DLST: variants seen among roughly 807,000 people sequenced by gnomAD.
DLST encodes the protein dihydrolipoamide S-succinyltransferase.
Under a neutral mutation model 53.1 loss-of-function variants are expected in DLST, and 17 were observed. That is an observed-to-expected ratio of 0.32 (90% CI 0.22 to 0.48). The LOEUF (loss-of-function observed/expected upper bound fraction) is 0.48. Ranked by LOEUF, DLST falls within the 20% of genes least tolerant of loss-of-function variation. The pLI is 0.99. For synonymous variants in DLST, 206 were observed against 204.8 expected (o/e 1.01, Z -0.05); for missense variants, 512 against 583.9 (o/e 0.88, Z 1.27).
At chr14:74,899,320 C>G (rs1480839173) in intron 11 of DLST, among the ~76,000 whole-genome samples, 1 of 152,064 alleles carries the variant, frequency 6.6e-6, no homozygotes, top group Non-Finnish European at 1.5e-5. Context: ...TACATGCTTC[C>G]TCTGGATGTC....
chr14:74,899,879 CCT>C, intron 11 of DLST, 42 bp from the exon 12 acceptor site: 1 of 1,499,954 alleles, frequency 6.7e-7, no homozygotes, highest in Non-Finnish European at 9.2e-7. Flanking sequence ...TTAGTCTTGG[CCT>C]TCCTGGGGAG....
intron 7 of DLST, among the ~76,000 whole-genome samples, chr14:74,892,476 TTATG>T (rs1351464416): frequency 4.6e-5 from 7 of 152,086 alleles, no homozygotes; most frequent in Non-Finnish European, 7.4e-5. Flanking sequence ...AGAAATATGT[TTATG>T]TATGCATTTC....
intron 6 of DLST, 116 bp downstream of exon 6, chr14:74,890,068 G>A: frequency 1.8e-6 from 1 of 553,712 alleles, no homozygotes; most frequent in Non-Finnish European, 2.8e-6. Context: ...TCTAACTTCA[G>A]TTGTAAAATT....
chr14:74,882,205 C>T (rs567613721), intron 1 of DLST, among the ~76,000 whole-genome samples, 189 bp downstream of exon 1: 2 of 152,278 alleles, frequency 1.3e-5, no homozygotes, highest in South Asian at 4.1e-4. Context: ...AGCCCAGCGG[C>T]CCCCTGCCTT....
chr14:74,900,991 G>A (rs888125069), intron 13 of DLST, 75 bp from the exon 14 acceptor site: 30 of 1,531,818 alleles, frequency 2.0e-5, no homozygotes, highest in Admixed American at 1.7e-4. Context: ...CTCCCAAAGC[G>A]CTGGGATTAT....
Position 74,895,627 on chromosome 14 carries a change from C to T in DLST, c.770+1218C>T, listed in dbSNP as rs1040298293. Among the ~76,000 whole-genome samples, 29 of 152,154 alleles carry T rather than the reference C, an allele frequency of 1.9e-4. 1 individual carries two copies. Among genetic ancestry groups the T allele is most frequent in the Non-Finnish European group, 3.1e-4 (21 of 68,002 alleles). On this transcript the variant is annotated intron_variant, in intron 10 of 14. Transcript: ENST00000334220. ...AAATTAGCCAAGTGAGGGCTGGGTG[C>T]GGTGGCTTGCGCTTGTAATCGCAAC...
chr14:74,892,219 A>G (rs1038337857), intron 7 of DLST, among the ~76,000 whole-genome samples: 3 of 152,146 alleles, frequency 2.0e-5, no homozygotes, highest in Non-Finnish European at 4.4e-5. Flanking sequence ...AGTAGCTGGG[A>G]CTATGGGCAC....
chr14:74,900,279 C>G lies in DLST; in HGVS notation c.976-10C>G. The G allele has an allele frequency of 1.2e-6, 2 of 1,613,660 alleles. No homozygotes were observed. The highest frequency in any genetic ancestry group is 1.7e-6 in the Non-Finnish European group (2 of 1,179,708). ...ATTTGCAACTGAAAACAGCTTTTCACCCCCTTCAGGGTCTGGTGGTTCCAG... is the reference window on the plus strand; with the variant it reads ...ATTTGCAACTGAAAACAGCTTTTCAGCCCCTTCAGGGTCTGGTGGTTCCAG... On this transcript the variant is annotated splice_polypyrimidine_tract_variant and intron_variant, in intron 12 of 14. Transcript: ENST00000334220.
chr14:74,891,277 GC>G lies in DLST; in HGVS notation c.442+113del, dbSNP rs1256012616. ...GTCAAAGACTCTTGTCATTCCAGCTGCCCTTAGTTGAGGGAATAAGGGGTAA... is the reference window on the plus strand; with the variant it reads ...GTCAAAGACTCTTGTCATTCCAGCTGCCTTAGTTGAGGGAATAAGGGGTAA... On this transcript the variant is annotated intron_variant, in intron 7 of 14. Transcript: ENST00000334220. 21 of 1,531,390 alleles carry G rather than the reference GC, an allele frequency of 1.4e-5. No homozygotes were observed. In the Admixed American group the frequency reaches 1.8e-4, roughly 13 times the overall value. The allele number at this position is 1,531,390 out of a possible 1,614,324, so 94.9% of individuals were successfully genotyped here. A position where few individuals can be genotyped will look rare whatever the true frequency, so the allele number is the denominator to read the frequency against.
rs1258796894 is a variant in DLST at position 74,891,170 on chromosome 14, A to G, written c.442+3A>G. 1.9e-6 allele frequency: 3 copies of G among 1,613,994 alleles called. No homozygotes were observed. The highest frequency in any genetic ancestry group is 1.1e-5 in the South Asian group (1 of 91,090). On this transcript the variant is annotated splice_donor_region_variant and intron_variant, in intron 7 of 14. Transcript: ENST00000334220. ...TTTCACACTCAGGAAAACTGGTGGT[A>G]AAGAAGTTCTCCTGGTGGTCAAGGT...
intron 2 of DLST, among the ~76,000 whole-genome samples, chr14:74,885,135 T>C (rs1883658435): frequency 6.6e-6 from 1 of 152,204 alleles, no homozygotes; most frequent in Non-Finnish European, 1.5e-5. Context: ...ACCCAATCTT[T>C]TCAAACCCAG....
At chr14:74,883,421 G>A (rs1883600271) in intron 2 of DLST, among the ~76,000 whole-genome samples, 2 of 152,280 alleles carry the variant, frequency 1.3e-5, no homozygotes, top group South Asian at 4.1e-4. Flanking sequence ...GAACTTAAGA[G>A]CTGGAAAAAA....
At chr14:74,890,124 C>CTTTTT (rs34237381) in intron 6 of DLST, among the ~76,000 whole-genome samples, 172 bp downstream of exon 6, 5 of 85,104 alleles carry the variant, frequency 5.9e-5, no homozygotes, top group Non-Finnish European at 6.2e-5. Context: ...TTACATTTAA[C>CTTTTT]TTTTTTTTTT....
intron 10 of DLST, among the ~76,000 whole-genome samples, chr14:74,896,187 A>T (rs941897108): frequency 6.6e-6 from 1 of 152,218 alleles, no homozygotes; most frequent in African/African-American, 2.4e-5. Context: ...TTCAAGAGTG[A>T]CTAGCATTTT....
intron 10 of DLST, among the ~76,000 whole-genome samples, chr14:74,897,934 T>TA (rs889571964): frequency 2.1e-5 from 3 of 144,292 alleles, no homozygotes; most frequent in African/African-American, 8.1e-5. Context: ...TCAGATTTGG[T>TA]GGGGTTTTTT....
chr14:74,889,068 A>G (rs768693345), intron 3 of DLST, 27 bp from the exon 4 acceptor site: 1 of 1,604,568 alleles, frequency 6.2e-7, no homozygotes, highest in Non-Finnish European at 8.5e-7. Flanking sequence ...GCCTGTTAAA[A>G]GGAGTTAACG....
rs150486405 is a variant in DLST, at chr14:74,882,664, C to T, written c.97+40C>T. ...TACCGTCACCTAAAATGCTCTCCTCCTGGGCAGAGCAGTATGTGAGGAACT... is the reference window on the plus strand; with the variant it reads ...TACCGTCACCTAAAATGCTCTCCTCTTGGGCAGAGCAGTATGTGAGGAACT... On this transcript the variant is annotated intron_variant, in intron 2 of 14. Transcript: ENST00000334220. 2.5e-4 allele frequency: 396 copies of T among 1,596,402 alleles called. No individual in the cohort carries two copies. The African/African-American group carries it at 4.5e-3, about 18-fold the overall frequency.
rs138675724 is a variant in DLST at position 74,902,724 on chromosome 14, A to G, written c.*394A>G. On this transcript the variant is annotated 3_prime_UTR_variant, in exon 15 of 15. Coordinates refer to ENST00000334220, the MANE Select transcript of DLST (RefSeq NM_001933.5). ...TATCTTTTGAAAGTTTGTTCTGCAG[A>G]GACTTCTAGGAGGATGCTGTGCCTC... The G allele has an allele frequency of 2.2e-4, 35 of 156,798 alleles. No individual in the cohort carries two copies. In the East Asian group the frequency reaches 6.4e-3, roughly 29 times the overall value. The allele number at this position is 156,798 out of a possible 1,614,324, so 9.7% of individuals were successfully genotyped here. A position where few individuals can be genotyped will look rare whatever the true frequency, so the allele number is the denominator to read the frequency against.
rs371402604 is a variant in DLST at position 74,889,306 on chromosome 14, G to A, written c.231G>A (p.Ala77=). The A allele has an allele frequency of 6.2e-6, 10 of 1,611,518 alleles. No individual in the cohort carries two copies. The highest frequency in any genetic ancestry group is 2.2e-5 in the East Asian group (1 of 44,868). The change falls in exon 5 of 15, where the codon GCG becomes GCA. Residue 77 remains alanine (A), a synonymous_variant. Coordinates refer to ENST00000334220, the MANE Select transcript of DLST (RefSeq NM_001933.5). ...KDDLVTVKTP[A]FAESVTEGDV... is the part of the protein sequence containing the mutation. ...ACTTGGTTACAGTCAAAACCCCAGC[G>A]TTTGCAGAATCTGTCACAGAGGGAG...
Sources: allele counts gnomAD v4.1 joint callset (sites outside exome capture counted in the v4.1 genomes callset), GRCh38; gene constraint gnomAD v4.1.1; transcripts MANE v1.5; gene names NCBI Gene and HGNC (gene_info 2026-07-23, HGNC 2026-07-21).